Variants in UBE2C observed in about 807,000 individuals in gnomAD.
UBE2C encodes the protein ubiquitin-conjugating enzyme E2 C.
In UBE2C, 16 loss-of-function variants were observed where a neutral mutation model predicts 23.5. That is an observed-to-expected ratio of 0.68 (90% CI 0.46 to 1.03). The LOEUF (loss-of-function observed/expected upper bound fraction) is 1.03. Ranked by LOEUF, UBE2C falls within the 50% of genes least tolerant of loss-of-function variation. The pLI, the probability that UBE2C is intolerant of heterozygous loss-of-function variation, is 0.00. For synonymous variants in UBE2C, 76 were observed against 91.6 expected (o/e 0.83, Z 0.97); for missense variants, 192 against 227.6 (o/e 0.84, Z 1.01).
chr20:45,814,230 GTGTGTGTGTATACATATATA>G (rs1982242715), intron 2 of UBE2C, among the ~76,000 whole-genome samples, 134 bp from the exon 3 acceptor site: 1 of 142,628 alleles, frequency 7.0e-6, no homozygotes, highest in Non-Finnish European at 1.5e-5. Flanking sequence ...ACATATATAT[GTGTGTGTGTATACATATATA>G]TGTGTGTGTG....
rs1982593697 is a variant in UBE2C at position 45,816,697 on chromosome 20, G to T, written c.482-12G>T. The T allele has an allele frequency of 6.2e-7, 1 of 1,613,002 alleles. No individual in the cohort carries two copies. The highest frequency in any genetic ancestry group is 8.5e-7 in the Non-Finnish European group (1 of 1,179,490). On this transcript the variant is annotated splice_polypyrimidine_tract_variant and intron_variant, in intron 5 of 5. Transcript: ENST00000356455. ...CTCCATCACTCACTGAGACCTGCCT[G>T]TTCTCTTCCAGCTTTTAAGAAGTAC...
At chr20:45,813,933 T>C (rs560871217) in intron 2 of UBE2C, among the ~76,000 whole-genome samples, 29 of 152,096 alleles carry the variant, frequency 1.9e-4, no homozygotes, top group South Asian at 4.2e-4. Flanking sequence ...TGCAAAACCC[T>C]GTCTCTACTA....
chr20:45,812,768 G>T lies in UBE2C; in HGVS notation c.73G>T (p.Gly25Cys). 6.4e-7 allele frequency: 1 copy of T among 1,557,070 alleles called. No homozygotes were observed. Among genetic ancestry groups the T allele is most frequent in the South Asian group, 1.2e-5 (1 of 84,596 alleles). Residue 25 changes from glycine to cysteine, a missense_variant, in exon 1 of 6, where the codon GGC becomes TGC. By Grantham distance (159) the Gly-to-Cys change is radical. Coordinates refer to ENST00000356455, the MANE Select transcript of UBE2C (RefSeq NM_007019.4). The stretch of plus-strand genomic sequence containing the variant: ...CCGTAAAGGAGCTGAGCCGAGCGGG[G>T]GCGCCGCCCGGGGTCCGGTGGGCAA... ...AARKGAEPSGGAARGPVGKRL... is the reference protein window; with the variant it reads ...AARKGAEPSGCAARGPVGKRL...
chr20:45,816,603 C>A, intron 5 of UBE2C, 106 bp from the exon 6 acceptor site: 1 of 1,013,642 alleles, frequency 9.9e-7, no homozygotes, highest in Non-Finnish European at 1.5e-6. Context: ...TGCTATTGCA[C>A]TCCAGCTTGG....
At chr20:45,813,547 A>C in intron 2 of UBE2C, 83 bp downstream of exon 2, 1 of 1,582,846 alleles carries the variant, frequency 6.3e-7, no homozygotes, top group Non-Finnish European at 8.7e-7. Flanking sequence ...TTTGCTAGAC[A>C]TAGGGGTAAT....
At chr20:45,816,049 T>G in intron 5 of UBE2C, 136 bp downstream of exon 5, 1 of 772,682 alleles carries the variant, frequency 1.3e-6, no homozygotes, top group Non-Finnish European at 2.1e-6. Flanking sequence ...CACTTCTGTT[T>G]CTGCCCCAGT....
chr20:45,814,863 G>A (rs1040612364), intron 3 of UBE2C, among the ~76,000 whole-genome samples: 6 of 145,150 alleles, frequency 4.1e-5, no homozygotes, highest in Non-Finnish European at 8.9e-5. Flanking sequence ...ACGGAGTCTC[G>A]CTCTGTCGCC....
chr20:45,815,789 C>G (rs1223492084), intron 4 of UBE2C, 44 bp downstream of exon 4: 2 of 1,612,488 alleles, frequency 1.2e-6, no homozygotes, highest in South Asian at 2.2e-5. Context: ...ACTTGGGAAC[C>G]TGTCAGGACT....
At chr20:45,814,300 A>ATATATATATATATATATATATATATATAT (rs1568714802) in intron 2 of UBE2C, 84 bp from the exon 3 acceptor site, 3 of 498,756 alleles carry the variant, frequency 6.0e-6, no homozygotes, top group African/African-American at 6.7e-5. Flanking sequence ...ATATATATAT[A>ATATATATATATATATATATATATATATAT]AAATTAAGGG....
chr20:45,815,526 T>G lies in UBE2C; in HGVS notation c.217-15T>G. 1 of 1,614,054 alleles carries G rather than the reference T, an allele frequency of 6.2e-7. No individual in the cohort carries two copies. The highest frequency in any genetic ancestry group is 8.5e-7 in the Non-Finnish European group (1 of 1,179,992). ...CTGCTGGAGCTTACTCTGCAACTGT[T>G]TCTCCAAATGCCAGGTATATGAAGA... On this transcript the variant is annotated splice_polypyrimidine_tract_variant and intron_variant, in intron 3 of 5. Coordinates refer to ENST00000356455, the MANE Select transcript of UBE2C (RefSeq NM_007019.4).
chr20:45,816,674 CCAT>C (rs1378735037), intron 5 of UBE2C, 32 bp from the exon 6 acceptor site: 1 of 1,594,364 alleles, frequency 6.3e-7, no homozygotes, highest in African/African-American at 1.3e-5. Context: ...CATCCTGTCT[CCAT>C]CACTCACTGA....
rs1243957339 is a variant in UBE2C at position 45,812,727 on chromosome 20, C to T, written c.32C>T (p.Thr11Ile). The T allele has an allele frequency of 4.5e-6, 7 of 1,553,582 alleles. No individual in the cohort carries two copies. Among genetic ancestry groups the T allele is most frequent in the Non-Finnish European group, 5.2e-6 (6 of 1,148,492 alleles). The change falls in exon 1 of 6, where the codon ACT becomes ATT. Residue 11 changes from threonine (T) to isoleucine (I), a missense_variant. Thr to Ile is a moderately conservative substitution (Grantham distance 89). Coordinates refer to ENST00000356455, the MANE Select transcript of UBE2C (RefSeq NM_007019.4). ...TCCCAAAACCGCGACCCAGCCGCCA[C>T]TAGCGTCGCCGCCGCCCGTAAAGGA... is the stretch of plus-strand genomic sequence containing the variant. MASQNRDPAA[T>I]SVAAARKGAE...
At chr20:45,814,240 ATACATATATATGTGTG>A (rs1212968387) in intron 2 of UBE2C, 128 bp from the exon 3 acceptor site, 1 of 333,210 alleles carries the variant, frequency 3.0e-6, no homozygotes, top group African/African-American at 2.5e-5. Context: ...GTGTGTGTGT[ATACATATATATGTGTG>A]TGTGTGTATG....
chr20:45,813,516 C>T, intron 2 of UBE2C, 52 bp downstream of exon 2: 1 of 1,613,276 alleles, frequency 6.2e-7, no homozygotes, highest in South Asian at 1.1e-5. Context: ...TTTCAGTAGC[C>T]TCCTTTTTTC....
chr20:45,816,570 G>A, intron 5 of UBE2C, 139 bp from the exon 6 acceptor site: 1 of 674,978 alleles, frequency 1.5e-6, no homozygotes, highest in East Asian at 2.9e-5. Flanking sequence ...CTAGGAAGCA[G>A]AGGTTGCAGT....
chr20:45,814,833 C>CTT lies in UBE2C; in HGVS notation c.216+378_216+379dup, dbSNP rs1363100171. 8.7e-3 allele frequency among the ~76,000 whole-genome samples: 1,232 copies of CTT among 141,304 alleles called. 23 individuals carry two copies. The highest frequency in any genetic ancestry group is 0.03 in the African/African-American group (1,157 of 38,192). 92.7% of individuals were successfully genotyped at this position (141,304 alleles called of 152,430 possible). A position where few individuals can be genotyped will look rare whatever the true frequency, so the allele number is the denominator to read the frequency against. The stretch of plus-strand genomic sequence containing the variant: ...TTTTTACGTATTAGCAACTAATATT[C>CTT]TTTTTTTTTTTTTTTTGAGACGGAG... On this transcript the variant is annotated intron_variant, in intron 3 of 5. Coordinates refer to ENST00000356455, the MANE Select transcript of UBE2C (RefSeq NM_007019.4).
At position 45,814,580 on chromosome 20, in the gene UBE2C, CTG is replaced by C. The variant is rs370677828; in HGVS notation, c.216+112_216+113del. 181 of 778,394 alleles carry C rather than the reference CTG, an allele frequency of 2.3e-4. 2 individuals are homozygous for C. Among genetic ancestry groups the C allele is most frequent in the Middle Eastern group, 1.6e-3 (6 of 3,854 alleles). 48.2% of individuals were successfully genotyped at this position (778,394 alleles called of 1,614,324 possible). A position where few individuals can be genotyped will look rare whatever the true frequency, so the allele number is the denominator to read the frequency against. ...GCGGAGCAAGACACTCCTCCTGTGACTGTTTACATTCTCTGAGCCATGTGGCC... is the reference window on the plus strand; with the variant it reads ...GCGGAGCAAGACACTCCTCCTGTGACTTTACATTCTCTGAGCCATGTGGCC... On this transcript the variant is annotated intron_variant, in intron 3 of 5. Transcript: ENST00000356455.
At chr20:45,816,262 G>C (rs1343454976) in intron 5 of UBE2C, among the ~76,000 whole-genome samples, 1 of 152,212 alleles carries the variant, frequency 6.6e-6, no homozygotes, top group Non-Finnish European at 1.5e-5. Flanking sequence ...AGTGCAGGGA[G>C]AATGCCGGGC....
Position 45,813,462 on chromosome 20 carries a change from A to T in UBE2C, c.127A>T (p.Met43Leu), listed in dbSNP as rs1223941923. The T allele has an allele frequency of 6.2e-7, 1 of 1,614,140 alleles. No homozygotes were observed. Among genetic ancestry groups the T allele is most frequent in the Non-Finnish European group, 8.5e-7 (1 of 1,180,020 alleles). Residue 43 changes from methionine to leucine, a missense_variant and splice_region_variant, in exon 2 of 6, where the codon ATG becomes TTG. Transcript: ENST00000356455. Reference sequence around the variant, plus strand: ...GCTACAGCAGGAGCTGATGACCCTCATGGTGAGTGATTAAGTGCCCAGAAC... The same window carrying T: ...GCTACAGCAGGAGCTGATGACCCTCTTGGTGAGTGATTAAGTGCCCAGAAC... ...KRLQQELMTLMMSGDKGISAF... is the reference protein window; with the variant it reads ...KRLQQELMTLLMSGDKGISAF...
Sources: gnomAD v4.1 joint callset for allele counts (sites outside exome capture counted in the v4.1 genomes callset) on GRCh38, gnomAD v4.1.1 for gene constraint, MANE v1.5 for transcripts, NCBI Gene and HGNC (gene_info 2026-07-23, HGNC 2026-07-21) for gene names.